KHDRBS2: variants seen among roughly 807,000 people sequenced by gnomAD.
KHDRBS2 encodes the protein KH domain-containing, RNA-binding, signal transduction-associated protein 2.
Under a neutral mutation model 44.3 loss-of-function variants are expected in KHDRBS2, and 26 were observed. That is an observed-to-expected ratio of 0.59 (90% CI 0.43 to 0.81). The LOEUF is 0.81. Ranked by LOEUF, KHDRBS2 falls within the 40% of genes least tolerant of loss-of-function variation. The pLI, the probability that KHDRBS2 is intolerant of heterozygous loss-of-function variation, is 0.00. For missense variants in KHDRBS2, 476 were observed against 433.1 expected (o/e 1.10, Z -0.88); for synonymous variants, 194 against 151.1 (o/e 1.28, Z -2.08).
At chr6:61,556,008 T>A in the KHDRBS2 span, among the ~76,000 whole-genome samples, 32,106 of 152,076 alleles carry the variant, frequency 0.21, 3,617 homozygotes, top group East Asian at 0.28. Context: ...ACATGCCAGC[T>A]GCAGTGGCAG....
chr6:62,007,479 G>A (rs183403778), intron 3 of KHDRBS2, among the ~76,000 whole-genome samples: 6 of 151,512 alleles, frequency 4.0e-5, no homozygotes, highest in Admixed American at 1.3e-4. Flanking sequence ...CTGCCTAATC[G>A]GGTGTATGAA....
At chr6:62,230,044 G>A (rs1832645123) in intron 1 of KHDRBS2, among the ~76,000 whole-genome samples, 1 of 152,152 alleles carries the variant, frequency 6.6e-6, no homozygotes. Flanking sequence ...TAGAGATCAC[G>A]ATTCTAAAAT....
intron 7 of KHDRBS2, among the ~76,000 whole-genome samples, chr6:61,727,285 A>G (rs542554158): frequency 1.3e-5 from 2 of 152,210 alleles, no homozygotes; most frequent in East Asian, 3.9e-4. Flanking sequence ...TTAACTCAAG[A>G]TAAATTAAAT....
At chr6:62,221,640 C>T (rs1830913007) in intron 1 of KHDRBS2, among the ~76,000 whole-genome samples, 1 of 152,036 alleles carries the variant, frequency 6.6e-6, no homozygotes, top group African/African-American at 2.4e-5. Context: ...GCTCACCATA[C>T]AAGAAGTGAA....
chr6:62,213,691 G>A (rs753454711), intron 1 of KHDRBS2, among the ~76,000 whole-genome samples: 3 of 151,504 alleles, frequency 2.0e-5, no homozygotes, highest in Admixed American at 6.6e-5. Flanking sequence ...TGGCTAACAC[G>A]GTGCAACCCC....
chr6:62,177,126 C>T (rs9346218), intron 2 of KHDRBS2, 59 bp downstream of exon 2: 573,572 of 978,112 alleles, frequency 0.59, 170,213 homozygotes, highest in African/African-American at 0.6. Context: ...AATTAAAATA[C>T]CGTCTTCTTT....
At chr6:61,959,036 G>T (rs535188634) in intron 4 of KHDRBS2, among the ~76,000 whole-genome samples, 1 of 152,114 alleles carries the variant, frequency 6.6e-6, no homozygotes, top group Non-Finnish European at 1.5e-5. Flanking sequence ...CTTCAACAAC[G>T]TCTGTTCTTC....
the KHDRBS2 span, among the ~76,000 whole-genome samples, chr6:61,596,808 C>T: frequency 6.6e-5 from 10 of 152,162 alleles, no homozygotes; most frequent in East Asian, 1.9e-4. Flanking sequence ...CATGCCACCA[C>T]GCCTGGCTAA....
chr6:61,880,514 C>T (rs1324715996), intron 6 of KHDRBS2, among the ~76,000 whole-genome samples: 4 of 151,872 alleles, frequency 2.6e-5, no homozygotes, highest in East Asian at 1.9e-4. Flanking sequence ...TATATTTGTG[C>T]TTCATTATAT....
intron 6 of KHDRBS2, among the ~76,000 whole-genome samples, chr6:61,795,240 A>G (rs1013672602): frequency 6.6e-6 from 1 of 152,012 alleles, no homozygotes; most frequent in African/African-American, 2.4e-5. Context: ...TATAACAGCA[A>G]TGTTGAATTC....
At chr6:61,580,657 C>A in the KHDRBS2 span, among the ~76,000 whole-genome samples, 2 of 151,726 alleles carry the variant, frequency 1.3e-5, no homozygotes, top group African/African-American at 4.8e-5. Flanking sequence ...CTCCAGACAC[C>A]AGACCATGAA....
intron 1 of KHDRBS2, among the ~76,000 whole-genome samples, chr6:62,258,470 A>G (rs1837786286): frequency 6.6e-6 from 1 of 152,046 alleles, no homozygotes; most frequent in South Asian, 2.1e-4. Flanking sequence ...AAAATGGCTG[A>G]GGATCACGGG....
chr6:61,716,586 A>G (rs1348836064), intron 7 of KHDRBS2, among the ~76,000 whole-genome samples: 1 of 152,012 alleles, frequency 6.6e-6, no homozygotes, highest in Non-Finnish European at 1.5e-5. Flanking sequence ...CTACATGGCC[A>G]CAATATCCTA....
At chr6:61,613,580 C>T in the KHDRBS2 span, among the ~76,000 whole-genome samples, 2 of 152,162 alleles carry the variant, frequency 1.3e-5, no homozygotes, top group Non-Finnish European at 2.9e-5. Flanking sequence ...CTTACACCCA[C>T]TCCCTACTAT....
At chr6:62,241,536 T>TC (rs35252779) in intron 1 of KHDRBS2, among the ~76,000 whole-genome samples, 1 of 152,110 alleles carries the variant, frequency 6.6e-6, no homozygotes, top group African/African-American at 2.4e-5. Flanking sequence ...ATTTTTTTTT[T>TC]CCCAGCAATG....
At chr6:61,653,619 G>A in the KHDRBS2 span, among the ~76,000 whole-genome samples, 40 of 140,530 alleles carry the variant, frequency 2.8e-4, no homozygotes, top group African/African-American at 9.2e-4. Context: ...GAGACAGAGA[G>A]AGAGAGAGAG....
chr6:61,917,558 A>G lies in KHDRBS2; in HGVS notation c.484-16187T>C, dbSNP rs553186609. Reference sequence around the variant, plus strand: ...TGAAACTATTCTATATGATACTATAATTGCAGATAGATGTCATGCCTTTGC... The same window carrying G: ...TGAAACTATTCTATATGATACTATAGTTGCAGATAGATGTCATGCCTTTGC... On this transcript the variant is annotated intron_variant, in intron 4 of 8. Coordinates refer to ENST00000281156, the MANE Select transcript of KHDRBS2 (RefSeq NM_152688.4). Among the ~76,000 whole-genome samples the G allele has an allele frequency of 1.4e-3, 217 of 152,074 alleles. 5 individuals carry two copies. The South Asian group carries it at 0.043, about 30-fold the overall frequency.
chr6:62,126,046 TC>T (rs1808883799), intron 2 of KHDRBS2, among the ~76,000 whole-genome samples: 1 of 151,940 alleles, frequency 6.6e-6, no homozygotes, highest in Non-Finnish European at 1.5e-5. Flanking sequence ...TCTCTTGGGG[TC>T]CCCAGTTCCA....
rs758428268 is a variant in KHDRBS2 at position 61,732,663 on chromosome 6, T to C, written c.893+19A>G. 1.2e-5 allele frequency: 18 copies of C among 1,477,970 alleles called. No individual in the cohort carries two copies. The allele number at this position is 1,477,970 out of a possible 1,614,324, so 91.6% of individuals were successfully genotyped here. ...AGAGATAATCCTGAGAAGGCTGCTT[T>C]AGATAGCAAATGCCTTACCTTTGTG... On this transcript the variant is annotated intron_variant, in intron 7 of 8. Transcript: ENST00000281156.
Sources: allele counts gnomAD v4.1 joint callset (sites outside exome capture counted in the v4.1 genomes callset), GRCh38; gene constraint gnomAD v4.1.1; transcripts MANE v1.5; gene names NCBI Gene and HGNC (gene_info 2026-07-23, HGNC 2026-07-21).